Variants in MICU1 observed in about 807,000 individuals in gnomAD.
MICU1 encodes calcium uptake protein 1, mitochondrial.
MICU1 carries 45 observed loss-of-function variants against 56.8 expected under a neutral mutation model. The ratio of observed to expected loss-of-function variants is 0.79; its 90% CI spans 0.62 to 1.02. The LOEUF (loss-of-function observed/expected upper bound fraction) is 1.02, where lower values mean the gene tolerates loss of function less well. Among genes scored for constraint, MICU1 ranks in the 50% least tolerant of loss-of-function variants. The pLI is 0.00. For missense variants in MICU1, 504 were observed against 587.1 expected (o/e 0.86, Z 1.46); for synonymous variants, 186 against 195.1 (o/e 0.95, Z 0.39).
chr10:72,530,656 C>T (rs1839454192), intron 5 of MICU1, among the ~76,000 whole-genome samples: 1 of 152,052 alleles, frequency 6.6e-6, no homozygotes, highest in Admixed American at 6.5e-5. Context: ...TATTTCATAA[C>T]TTTTCTACAA....
intron 3 of MICU1, among the ~76,000 whole-genome samples, chr10:72,562,305 C>T (rs1024412724): frequency 6.6e-6 from 1 of 151,916 alleles, no homozygotes; most frequent in Non-Finnish European, 1.5e-5. Flanking sequence ...AGGTGCATGC[C>T]ACCATGCCAG....
At chr10:72,377,901 A>C (rs556116335) in intron 10 of MICU1, among the ~76,000 whole-genome samples, 1 of 152,262 alleles carries the variant, frequency 6.6e-6, no homozygotes, top group South Asian at 2.1e-4. Context: ...TATCACCTCC[A>C]TATATTTACC....
At chr10:72,371,256 G>A (rs1862325298) in intron 11 of MICU1, among the ~76,000 whole-genome samples, 1 of 151,610 alleles carries the variant, frequency 6.6e-6, no homozygotes, top group African/African-American at 2.4e-5. Context: ...GCGTGGTGGC[G>A]GGTGCCTGTA....
intron 6 of MICU1, among the ~76,000 whole-genome samples, chr10:72,504,307 C>T (rs1233145844): frequency 3.3e-5 from 5 of 151,998 alleles, no homozygotes; most frequent in Non-Finnish European, 7.4e-5. Flanking sequence ...GAACAGAAAA[C>T]CCGGAAATAA....
chr10:72,506,085 T>C (rs1288259726), intron 6 of MICU1, among the ~76,000 whole-genome samples: 1 of 151,156 alleles, frequency 6.6e-6, no homozygotes, highest in East Asian at 1.9e-4. Context: ...AGAAAGTAAC[T>C]TACAAAGTAA....
intron 9 of MICU1, among the ~76,000 whole-genome samples, chr10:72,420,924 C>A (rs1864138604): frequency 6.7e-6 from 1 of 148,532 alleles, no homozygotes; most frequent in Non-Finnish European, 1.5e-5. Context: ...ATCACTTGAA[C>A]CCAGGAGGCG....
At chr10:72,441,617 T>TTTC (rs1031125146) in intron 8 of MICU1, among the ~76,000 whole-genome samples, 22 of 115,776 alleles carry the variant, frequency 1.9e-4, no homozygotes, top group Admixed American at 7.8e-4. Flanking sequence ...TAATTTTTCT[T>TTTC]TTTTTTTTTT....
intron 8 of MICU1, among the ~76,000 whole-genome samples, chr10:72,467,276 C>A (rs1025660749): frequency 6.6e-6 from 1 of 152,072 alleles, no homozygotes; most frequent in Non-Finnish European, 1.5e-5. Flanking sequence ...TTCCGCCTCC[C>A]GGGCTCAAGC....
intron 1 of MICU1, among the ~76,000 whole-genome samples, chr10:72,574,052 A>G (rs184854367): frequency 5.1e-4 from 78 of 152,252 alleles, no homozygotes; most frequent in Admixed American, 1.2e-3. Context: ...TGACAACTGC[A>G]CATTTAGAGA....
intron 1 of MICU1, among the ~76,000 whole-genome samples, chr10:72,590,193 G>C (rs1340351598): frequency 1.3e-5 from 2 of 151,940 alleles, no homozygotes; most frequent in African/African-American, 4.8e-5. Context: ...CAAGGAAGCT[G>C]AACATAAAAA....
At chr10:72,385,628 G>A (rs1476942819) in intron 10 of MICU1, among the ~76,000 whole-genome samples, 1 of 152,186 alleles carries the variant, frequency 6.6e-6, no homozygotes, top group Non-Finnish European at 1.5e-5. Context: ...CAAAGGTGTA[G>A]GTTTCTAAAA....
At chr10:72,452,071 T>A (rs1363926974) in intron 8 of MICU1, among the ~76,000 whole-genome samples, 2 of 152,160 alleles carry the variant, frequency 1.3e-5, no homozygotes, top group African/African-American at 4.8e-5. Flanking sequence ...TTTCACCATG[T>A]TGGCCAGGCT....
chr10:72,419,954 T>C (rs1362069637), intron 9 of MICU1, among the ~76,000 whole-genome samples: 1 of 152,220 alleles, frequency 6.6e-6, no homozygotes, highest in Admixed American at 6.5e-5. Flanking sequence ...GGTAGGTCTT[T>C]AATGTGCTGT....
chr10:72,620,228 A>AGGCTGGTGTACACTG (rs1354724216), intron 1 of MICU1, among the ~76,000 whole-genome samples: 8 of 152,220 alleles, frequency 5.3e-5, no homozygotes, highest in Non-Finnish European at 8.8e-5. Context: ...TCTGTCGCCC[A>AGGCTGGTGTACACTG]GGCTGGTGTA....
At chr10:72,398,440 C>G (rs2132081895) in intron 10 of MICU1, among the ~76,000 whole-genome samples, 1 of 150,784 alleles carries the variant, frequency 6.6e-6, no homozygotes, top group East Asian at 1.9e-4. Context: ...TAACTAAGAT[C>G]AGAGCAGAAC....
At chr10:72,474,409 T>A (rs1866049009) in intron 8 of MICU1, among the ~76,000 whole-genome samples, 1 of 152,122 alleles carries the variant, frequency 6.6e-6, no homozygotes, top group Admixed American at 6.6e-5. Context: ...TGATCAATGT[T>A]TTGAATGGAA....
intron 8 of MICU1, among the ~76,000 whole-genome samples, chr10:72,461,437 C>G (rs1290603812): frequency 1.3e-5 from 2 of 152,226 alleles, no homozygotes. Flanking sequence ...CCCCTGCTCT[C>G]TTACTTCACA....
At chr10:72,558,259 T>C (rs1187471652) in intron 3 of MICU1, among the ~76,000 whole-genome samples, 1 of 152,188 alleles carries the variant, frequency 6.6e-6, no homozygotes, top group African/African-American at 2.4e-5. Flanking sequence ...ACAGAAATCA[T>C]TGATAAACCT....
At chr10:72,369,819 C>T (rs1027254348) in intron 11 of MICU1, among the ~76,000 whole-genome samples, 1 of 152,122 alleles carries the variant, frequency 6.6e-6, no homozygotes, top group African/African-American at 2.4e-5. Flanking sequence ...AGCGATTCTC[C>T]TGCCTCAGCC....
Sources: gnomAD v4.1 joint callset for allele counts (sites outside exome capture counted in the v4.1 genomes callset) on GRCh38, gnomAD v4.1.1 for gene constraint, MANE v1.5 for transcripts, NCBI Gene and HGNC (gene_info 2026-07-23, HGNC 2026-07-21) for gene names.